DMD: variants seen among roughly 807,000 people sequenced by gnomAD.
DMD encodes the protein dystrophin.
In DMD, 63 loss-of-function variants were observed where a neutral mutation model predicts 330.1. The observed-to-expected ratio is 0.19, with a 90% CI of 0.16 to 0.24. The LOEUF (loss-of-function observed/expected upper bound fraction) is 0.24, where lower values mean the gene tolerates loss of function less well. DMD is among the 10% of genes least tolerant of loss of function. The pLI, the probability that DMD is intolerant of heterozygous loss-of-function variation, is 1.00. For missense variants in DMD, 3,344 were observed against 2,684.1 expected, an observed-to-expected ratio of 1.25 and a Z score of -5.43; for synonymous variants, 1,223 against 959.8, an observed-to-expected ratio of 1.27 and a Z score of -5.07.
At chrX:32,239,251 C>T (rs940983765) in intron 43 of DMD, among the ~76,000 whole-genome samples, 3 of 112,145 alleles carry the variant, frequency 2.7e-5, no homozygotes, top group East Asian at 2.8e-4. Context: ...GATTCTTATA[C>T]TCTCCCATTT....
At chrX:32,035,903 C>A (rs947141758) in intron 44 of DMD, among the ~76,000 whole-genome samples, 1 of 111,130 alleles carries the variant, frequency 9.0e-6, no homozygotes, top group Non-Finnish European at 1.9e-5. Context: ...TTTTTCCTTG[C>A]GTAAGCTAAG....
At chrX:32,806,292 TTC>T (rs774949910) in intron 7 of DMD, among the ~76,000 whole-genome samples, 1 of 110,900 alleles carries the variant, frequency 9.0e-6, no homozygotes, top group South Asian at 3.8e-4. Flanking sequence ...TGCAATTCTA[TTC>T]TCTGATAAAA....
chrX:31,670,260 C>T (rs1277242737), intron 53 of DMD, among the ~76,000 whole-genome samples: 1 of 111,382 alleles, frequency 9.0e-6, no homozygotes, highest in Non-Finnish European at 1.9e-5. Context: ...TTACTTATTC[C>T]TTTCTAATCT....
At chrX:32,060,326 GA>G (rs774102639) in intron 44 of DMD, among the ~76,000 whole-genome samples, 1 of 111,243 alleles carries the variant, frequency 9.0e-6, no homozygotes, top group Non-Finnish European at 1.9e-5. Flanking sequence ...AAGAGACCTA[GA>G]AAAAAACTGC....
chrX:33,152,404 C>T (rs1284942972), intron 1 of DMD, among the ~76,000 whole-genome samples: 1 of 109,834 alleles, frequency 9.1e-6, no homozygotes, highest in Non-Finnish European at 1.9e-5. Flanking sequence ...GAACCCTTCA[C>T]CTGAGGTAAT....
chrX:33,076,396 T>G (rs2094841655), intron 1 of DMD, among the ~76,000 whole-genome samples: 1 of 111,598 alleles, frequency 9.0e-6, no homozygotes, highest in Non-Finnish European at 1.9e-5. Flanking sequence ...GTGGGCAAGG[T>G]GAACCTGATG....
chrX:31,844,891 T>C lies in DMD; in HGVS notation c.7099-8072A>G, dbSNP rs779487048. On this transcript the variant is annotated intron_variant, in intron 48 of 78. Transcript: ENST00000357033. ...TAGTTTTTAGGCATACACTATTGTA[T>C]ACTTAATAGATTACAGTGTAGTGTA... 4.5e-5 allele frequency among the ~76,000 whole-genome samples: 5 copies of C among 111,189 alleles called. No homozygotes were observed. The Admixed American group carries it at 4.8e-4, about 11-fold the overall frequency.
intron 49 of DMD, among the ~76,000 whole-genome samples, chrX:31,822,611 CAGCT>C (rs1330380509): frequency 1.1e-5 from 1 of 93,585 alleles, no homozygotes; most frequent in Admixed American, 1.3e-4. Flanking sequence ...GGGAAGTGGT[CAGCT>C]GGACTGAAGG....
chrX:32,107,174 A>ATGAG (rs1441608608), intron 44 of DMD, among the ~76,000 whole-genome samples: 15 of 110,860 alleles, frequency 1.4e-4, no homozygotes, highest in African/African-American at 4.3e-4. Context: ...CTAAATGGCT[A>ATGAG]TGAGTTGATC....
intron 76 of DMD, among the ~76,000 whole-genome samples, chrX:31,139,421 C>T (rs1176516114): frequency 1.8e-5 from 2 of 109,535 alleles, no homozygotes; most frequent in African/African-American, 6.7e-5. Flanking sequence ...AGCTTAAATG[C>T]CCATCAACCA....
chrX:32,138,553 TA>T (rs1243434845), intron 44 of DMD, among the ~76,000 whole-genome samples: 4 of 112,350 alleles, frequency 3.6e-5, no homozygotes, highest in Non-Finnish European at 7.5e-5. Context: ...CATCATTTAT[TA>T]CTTTATTTCA....
intron 44 of DMD, among the ~76,000 whole-genome samples, chrX:31,969,876 A>C (rs967575682): frequency 1.8e-5 from 2 of 111,499 alleles, no homozygotes; most frequent in African/African-American, 6.5e-5. Context: ...AATGCCCATG[A>C]GATGTGCTCT....
chrX:32,198,261 GGATAA>G (rs1479427945), intron 44 of DMD, among the ~76,000 whole-genome samples: 88 of 111,811 alleles, frequency 7.9e-4, no homozygotes, highest in African/African-American at 2.8e-3. Flanking sequence ...TTAAGAAAAT[GGATAA>G]GATAATAAGA....
chrX:31,672,078 C>G (rs921218104), intron 53 of DMD, among the ~76,000 whole-genome samples: 6 of 111,653 alleles, frequency 5.4e-5, no homozygotes, highest in African/African-American at 2.0e-4. Flanking sequence ...CAGCCTCCTC[C>G]CATAAGTTTT....
intron 11 of DMD, among the ~76,000 whole-genome samples, chrX:32,642,777 T>C (rs937099497): frequency 1.8e-5 from 2 of 110,004 alleles, no homozygotes; most frequent in African/African-American, 6.6e-5. Flanking sequence ...AAATGGGGAG[T>C]GTAAGAAAAA....
chrX:33,020,655 CAGA>C (rs1234302489), intron 1 of DMD, among the ~76,000 whole-genome samples: 1 of 111,542 alleles, frequency 9.0e-6, no homozygotes, highest in Admixed American at 9.6e-5. Flanking sequence ...GCGTGGGCGA[CAGA>C]GCAAGATCCC....
intron 21 of DMD, among the ~76,000 whole-genome samples, chrX:32,483,460 G>C (rs1233082256): frequency 9.3e-6 from 1 of 107,582 alleles, no homozygotes; most frequent in Non-Finnish European, 1.9e-5. Flanking sequence ...ATCAAACATT[G>C]CTATTCTGAA....
At chrX:32,812,857 G>A (rs945200294) in intron 6 of DMD, among the ~76,000 whole-genome samples, 55 of 111,462 alleles carry the variant, frequency 4.9e-4, no homozygotes, top group African/African-American at 1.7e-3. Flanking sequence ...AGAATATTTA[G>A]GGGACTTTTA....
intron 7 of DMD, among the ~76,000 whole-genome samples, chrX:32,794,197 A>AC (rs892643457): frequency 8.9e-6 from 1 of 112,006 alleles, no homozygotes; most frequent in African/African-American, 3.3e-5. Context: ...ACTCCAACAA[A>AC]CTAGGCATAC....
Sources: allele counts gnomAD v4.1 joint callset (sites outside exome capture counted in the v4.1 genomes callset), GRCh38; gene constraint gnomAD v4.1.1; transcripts MANE v1.5; gene names NCBI Gene and HGNC (gene_info 2026-07-23, HGNC 2026-07-21).